Variants in FARP1 observed in about 807,000 individuals in gnomAD.
The protein encoded by FARP1 is FERM, ARH/RhoGEF and pleckstrin domain protein 1, also known as FERM, ARHGEF and pleckstrin domain-containing protein 1.
FARP1 carries 52 observed loss-of-function variants against 128.8 expected under a neutral mutation model. That is an observed-to-expected ratio of 0.40 (90% confidence interval 0.32 to 0.51). The LOEUF (loss-of-function observed/expected upper bound fraction) is 0.51. Ranked by LOEUF, FARP1 falls within the 20% of genes least tolerant of loss-of-function variation. FARP1 has a pLI of 0.45. For missense variants in FARP1, 1,333 were observed against 1,367.9 expected (o/e 0.97, Z 0.40); for synonymous variants, 580 against 551.8 (o/e 1.05, Z -0.72).
chr13:98,447,091 A>G, intron 26 of FARP1: 2 of 396,772 alleles, frequency 5.0e-6, no homozygotes, highest in Non-Finnish European at 9.3e-6. Context: ...GTCCGGGATG[A>G]TGAAGCTAAG....
chr13:98,351,536 C>T (rs536309494), intron 3 of FARP1, among the ~76,000 whole-genome samples: 4 of 150,810 alleles, frequency 2.7e-5, no homozygotes, highest in East Asian at 2.0e-4. Flanking sequence ...GGCGTGAACC[C>T]GGGAGGCGGA....
chr13:98,232,145 G>GTTTTTTTTTTTTT (rs59209045), intron 2 of FARP1, among the ~76,000 whole-genome samples: 13 of 105,778 alleles, frequency 1.2e-4, no homozygotes, highest in African/African-American at 3.1e-4. Flanking sequence ...TGTTTGGTTG[G>GTTTTTTTTTTTTT]TTTTTTTTTT....
intron 1 of FARP1, among the ~76,000 whole-genome samples, chr13:98,161,673 C>T (rs1467652838): frequency 1.3e-5 from 2 of 152,134 alleles, no homozygotes; most frequent in South Asian, 2.1e-4. Flanking sequence ...GGCGATTTCC[C>T]AGAATGTGTA....
At chr13:98,214,255 G>A (rs567842873) in intron 2 of FARP1, among the ~76,000 whole-genome samples, 73 of 152,298 alleles carry the variant, frequency 4.8e-4, no homozygotes, top group Middle Eastern at 3.4e-3. Flanking sequence ...TCTTATTCCC[G>A]GCAGGAGAGG....
chr13:98,208,686 TGGTGTTTCCTAGACAGTGATCA>T (rs1192215276), intron 1 of FARP1: 25 of 152,896 alleles, frequency 1.6e-4, no homozygotes, highest in Admixed American at 8.5e-4. Flanking sequence ...CAGGAGTAAA[TGGTGTTTCCTAGACAGTGATCA>T]GGTGTTTCCT....
rs1175941197 is a variant in FARP1, at chr13:98,384,767, G to T, written c.534G>T (p.Glu178Asp). ...ATTTTGATGAAGCCTTGGACAGAGAGCACTTAGCAAAAAATAAATACATAC... is the reference window on the plus strand; with the variant it reads ...ATTTTGATGAAGCCTTGGACAGAGATCACTTAGCAAAAAATAAATACATAC... ...IGDFDEALDR[E>D]HLAKNKYIPQ... Residue 178 changes from glutamate (E) to aspartate (D), a missense_variant, in exon 7 of 27, where the codon GAG becomes GAT. This residue lies in a region of FARP1 where 324 missense variants were observed against 398.1 expected (regional missense o/e 0.81). Transcript: ENST00000319562. The T allele has an allele frequency of 6.2e-7, 1 of 1,613,650 alleles. No homozygotes were observed. The highest frequency in any genetic ancestry group is 8.5e-7 in the Non-Finnish European group (1 of 1,179,634).
chr13:98,186,149 C>T (rs549106632), intron 1 of FARP1, among the ~76,000 whole-genome samples: 5 of 152,234 alleles, frequency 3.3e-5, no homozygotes, highest in African/African-American at 1.2e-4. Context: ...GTTGCCCAGG[C>T]TGGCTGGAGT....
intron 1 of FARP1, among the ~76,000 whole-genome samples, chr13:98,163,762 G>T (rs187523762): frequency 5.0e-4 from 76 of 150,882 alleles, no homozygotes; most frequent in Non-Finnish European, 9.1e-4. Context: ...AGGCTGGAGT[G>T]CAGTGGCGCG....
intron 3 of FARP1, among the ~76,000 whole-genome samples, chr13:98,344,156 T>A (rs1169271404): frequency 6.6e-6 from 1 of 152,134 alleles, no homozygotes; most frequent in Non-Finnish European, 1.5e-5. Flanking sequence ...AAAGAGAGTG[T>A]GATATGATCT....
At chr13:98,374,950 C>T (rs1889516103) in intron 5 of FARP1, among the ~76,000 whole-genome samples, 3 of 152,178 alleles carry the variant, frequency 2.0e-5, no homozygotes, top group Non-Finnish European at 4.4e-5. Context: ...AGTGAGAACT[C>T]ACTCACCCCC....
chr13:98,273,010 A>C (rs1435431554), intron 2 of FARP1, among the ~76,000 whole-genome samples: 6 of 152,192 alleles, frequency 3.9e-5, no homozygotes, highest in Non-Finnish European at 8.8e-5. Context: ...CGTAGTCTGA[A>C]GAGGTCCTGA....
chr13:98,419,571 C>T (rs1027681932), intron 16 of FARP1, among the ~76,000 whole-genome samples: 10 of 152,048 alleles, frequency 6.6e-5, no homozygotes, highest in East Asian at 3.9e-4. Flanking sequence ...CCTCCCCACC[C>T]GATATATTAA....
At chr13:98,441,435 C>T (rs1004710120) in intron 24 of FARP1, among the ~76,000 whole-genome samples, 3 of 152,254 alleles carry the variant, frequency 2.0e-5, no homozygotes, top group South Asian at 2.1e-4. Context: ...TTTTATGCTT[C>T]GCTTCCGTGA....
intron 1 of FARP1, among the ~76,000 whole-genome samples, chr13:98,199,800 C>T: frequency 6.6e-6 from 1 of 152,184 alleles, no homozygotes; most frequent in East Asian, 1.9e-4. Context: ...TGGTGGCTAT[C>T]TTCCTTACAT....
At position 98,431,293 on chromosome 13, in the gene FARP1, A is replaced by C; in HGVS notation, c.2143+13A>C. ...AGGGACTGCCGAGGTGAGTGCTGGGAGCCTGCGCCACCTGGTGCCCATGCC... is the reference window on the plus strand; with the variant it reads ...AGGGACTGCCGAGGTGAGTGCTGGGCGCCTGCGCCACCTGGTGCCCATGCC... On this transcript the variant is annotated intron_variant, in intron 18 of 26. Transcript: ENST00000319562. The C allele has an allele frequency of 4.5e-6, 7 of 1,554,722 alleles. No individual in the cohort carries two copies. Among genetic ancestry groups the C allele is most frequent in the Non-Finnish European group, 5.2e-6 (6 of 1,144,132 alleles).
intron 1 of FARP1, among the ~76,000 whole-genome samples, chr13:98,209,369 T>G (rs2139306950): frequency 6.6e-6 from 1 of 151,034 alleles, no homozygotes; most frequent in East Asian, 2.0e-4. Context: ...GGCAAAGTGC[T>G]GAGCCACAGT....
At chr13:98,342,280 A>C (rs1888004829) in intron 2 of FARP1, among the ~76,000 whole-genome samples, 6 of 152,212 alleles carry the variant, frequency 3.9e-5, no homozygotes, top group Admixed American at 3.9e-4. Context: ...TCCACATAAA[A>C]CCTGTCCAGA....
chr13:98,178,750 A>G (rs1878288903), intron 1 of FARP1, among the ~76,000 whole-genome samples: 1 of 152,206 alleles, frequency 6.6e-6, no homozygotes. Flanking sequence ...CTCTCTTCCT[A>G]GACACCAAGG....
chr13:98,239,912 G>A (rs1594309852), intron 2 of FARP1, among the ~76,000 whole-genome samples: 1 of 152,178 alleles, frequency 6.6e-6, no homozygotes, highest in Non-Finnish European at 1.5e-5. Flanking sequence ...GGTGAAGGAG[G>A]AGGGGCCCAA....
Sources: gnomAD v4.1 joint callset for allele counts (sites outside exome capture counted in the v4.1 genomes callset) on GRCh38, gnomAD v4.1.1 for gene constraint, gnomAD v4.1.1 regional missense constraint, MANE v1.5 for transcripts, NCBI Gene and HGNC (gene_info 2026-07-23, HGNC 2026-07-21) for gene names.